The following LTBP1 variants were observed in gnomAD, a reference collection of about 807,000 sequenced individuals.
The protein encoded by LTBP1 is latent transforming growth factor beta binding protein 1, also known as latent-transforming growth factor beta-binding protein 1.
A neutral mutation model predicts 207.6 loss-of-function variants in LTBP1; 129 were observed. That is an observed-to-expected ratio of 0.62 (90% CI 0.54 to 0.72). The LOEUF (loss-of-function observed/expected upper bound fraction) is 0.72. Ranked by LOEUF, LTBP1 falls within the 30% of genes least tolerant of loss-of-function variation. LTBP1 has a pLI of 0.00. For synonymous variants in LTBP1, 963 were observed against 833.7 expected (o/e 1.16, Z -2.67); for missense variants, 2,281 against 2,217.2 (o/e 1.03, Z -0.58).
chr2:33,304,937 A>G (rs920645217), intron 22 of LTBP1, among the ~76,000 whole-genome samples: 1 of 152,206 alleles, frequency 6.6e-6, no homozygotes, highest in African/African-American at 2.4e-5. Context: ...TGTGCCAGAC[A>G]CTGTTCTAGG....
At chr2:33,299,146 G>T (rs1315860984) in intron 20 of LTBP1, among the ~76,000 whole-genome samples, 1 of 151,788 alleles carries the variant, frequency 6.6e-6, no homozygotes, top group African/African-American at 2.4e-5. Flanking sequence ...GGAGGCTGAG[G>T]CAGGAGAATC....
At chr2:32,970,749 T>G (rs1680729612) in intron 2 of LTBP1, among the ~76,000 whole-genome samples, 1 of 152,152 alleles carries the variant, frequency 6.6e-6, no homozygotes, top group African/African-American at 2.4e-5. Context: ...GGCTCTTTTT[T>G]TTTTGTTCCA....
intron 10 of LTBP1, among the ~76,000 whole-genome samples, chr2:33,249,418 G>A (rs2092617337): frequency 6.6e-6 from 1 of 151,394 alleles, no homozygotes; most frequent in Non-Finnish European, 1.5e-5. Context: ...GTATGTCTTT[G>A]AAAGTATAAT....
intron 31 of LTBP1, among the ~76,000 whole-genome samples, chr2:33,381,039 A>G (rs749668857): frequency 3.4e-4 from 52 of 152,318 alleles, no homozygotes; most frequent in Admixed American, 2.6e-4. Flanking sequence ...GAAGTAGATC[A>G]GTTTGGAAAT....
At chr2:33,125,145 A>G (rs1468126435) in intron 4 of LTBP1, among the ~76,000 whole-genome samples, 2 of 152,170 alleles carry the variant, frequency 1.3e-5, no homozygotes, top group Non-Finnish European at 2.9e-5. Context: ...AGTGTCATAT[A>G]TTTTTCATAG....
intron 10 of LTBP1, among the ~76,000 whole-genome samples, chr2:33,245,849 T>C (rs2092491175): frequency 6.6e-6 from 1 of 152,202 alleles, no homozygotes; most frequent in African/African-American, 2.4e-5. Context: ...ACAATTCTTA[T>C]ATTGAAGGTT....
Position 33,263,274 on chromosome 2 carries a change from T to A in LTBP1, c.2519-20T>A. ...ATAACGGGCTTTAATTTTCTTTTTATCCTCTGCTTCCTCATATAGTAGTGA... is the reference window on the plus strand; with the variant it reads ...ATAACGGGCTTTAATTTTCTTTTTAACCTCTGCTTCCTCATATAGTAGTGA... On this transcript the variant is annotated intron_variant, in intron 14 of 33. Coordinates refer to ENST00000404816, the MANE Select transcript of LTBP1 (RefSeq NM_206943.4). 1 of 1,495,490 alleles carries A rather than the reference T, an allele frequency of 6.7e-7. No individual in the cohort carries two copies. Among genetic ancestry groups the A allele is most frequent in the Non-Finnish European group, 9.3e-7 (1 of 1,073,396 alleles). The allele number at this position is 1,495,490 out of a possible 1,614,324, so 92.6% of individuals were successfully genotyped here.
chr2:33,009,968 G>A lies in LTBP1; in HGVS notation c.566-10941G>A, dbSNP rs1255462230. On this transcript the variant is annotated intron_variant, in intron 2 of 33. Coordinates refer to ENST00000404816, the MANE Select transcript of LTBP1 (RefSeq NM_206943.4). ...CGGGCACTGAATTAGATCTTCAGGAGAAGGGTCCAAGGATCAAGGAGGCCC... is the reference window on the plus strand; with the variant it reads ...CGGGCACTGAATTAGATCTTCAGGAAAAGGGTCCAAGGATCAAGGAGGCCC... Among the ~76,000 whole-genome samples the A allele has an allele frequency of 3.9e-5, 6 of 152,214 alleles. No homozygotes were observed. The East Asian group carries it at 1.2e-3, about 29-fold the overall frequency.
chr2:33,029,305 C>T (rs1252732811), intron 3 of LTBP1, among the ~76,000 whole-genome samples: 4 of 151,972 alleles, frequency 2.6e-5, no homozygotes, highest in Non-Finnish European at 4.4e-5. Context: ...GGTGAAACCC[C>T]GTCTCTACTA....
chr2:33,209,679 G>A (rs147653435), intron 7 of LTBP1, among the ~76,000 whole-genome samples: 7 of 152,246 alleles, frequency 4.6e-5, no homozygotes, highest in South Asian at 4.1e-4. Flanking sequence ...TCTAACTTAC[G>A]TGTTTATTTT....
chr2:33,210,290 C>T (rs1472693727), intron 7 of LTBP1, among the ~76,000 whole-genome samples: 1 of 152,122 alleles, frequency 6.6e-6, no homozygotes, highest in African/African-American at 2.4e-5. Flanking sequence ...CAATGGGCCT[C>T]CAATCATCTA....
At chr2:33,174,690 C>T (rs1384200065) in intron 5 of LTBP1, among the ~76,000 whole-genome samples, 1 of 152,180 alleles carries the variant, frequency 6.6e-6, no homozygotes, top group Non-Finnish European at 1.5e-5. Context: ...AAAGAGCCCG[C>T]ATCGCAAAGT....
chr2:33,054,511 A>G (rs961143929), intron 3 of LTBP1, among the ~76,000 whole-genome samples: 1 of 152,190 alleles, frequency 6.6e-6, no homozygotes, highest in African/African-American at 2.4e-5. Flanking sequence ...TCATGTAGAT[A>G]ATAGCTCCAG....
At chr2:33,099,014 C>T (rs1371611662) in intron 3 of LTBP1, among the ~76,000 whole-genome samples, 2 of 152,178 alleles carry the variant, frequency 1.3e-5, no homozygotes, top group Non-Finnish European at 2.9e-5. Context: ...TGCAGCTTCT[C>T]ATATAATTTT....
rs75439642 is a variant in LTBP1, at chr2:33,368,573, C to T, written c.4711+3070C>T. On this transcript the variant is annotated intron_variant, in intron 31 of 33. Transcript: ENST00000404816. ...AAAAATACCAGGCTAAGTGTGTACA[C>T]TTTAAATTTATGATATTATTCTGGC... Among the ~76,000 whole-genome samples, 443 of 152,314 alleles carry T rather than the reference C, an allele frequency of 2.9e-3. 2 individuals are homozygous for T. Among genetic ancestry groups the T allele is most frequent in the South Asian group, 0.012 (56 of 4,826 alleles).
At chr2:33,271,601 A>G (rs755869895) in intron 15 of LTBP1, among the ~76,000 whole-genome samples, 11 of 152,164 alleles carry the variant, frequency 7.2e-5, no homozygotes, top group Non-Finnish European at 1.6e-4. Flanking sequence ...AAGACTTTTC[A>G]GATTATGAAA....
chr2:33,357,647 G>C (rs534723057), intron 26 of LTBP1, among the ~76,000 whole-genome samples: 2 of 152,266 alleles, frequency 1.3e-5, no homozygotes, highest in African/African-American at 2.4e-5. Flanking sequence ...GAACTTTCTT[G>C]TTGTTACCGG....
chr2:33,028,270 A>G (rs1467050812), intron 3 of LTBP1, among the ~76,000 whole-genome samples: 4 of 152,202 alleles, frequency 2.6e-5, no homozygotes, highest in African/African-American at 9.7e-5. Flanking sequence ...ATAAATCAGG[A>G]TAATGTTTTG....
At chr2:33,164,352 GAAAAAAA>G (rs56916166) in intron 5 of LTBP1, among the ~76,000 whole-genome samples, 109 of 28,238 alleles carry the variant, frequency 3.9e-3, no homozygotes, top group African/African-American at 0.012. Context: ...TTCCTCTCAG[GAAAAAAA>G]AAAAAAAAAA....
Sources: gnomAD v4.1 joint callset for allele counts (sites outside exome capture counted in the v4.1 genomes callset) on GRCh38, gnomAD v4.1.1 for gene constraint, MANE v1.5 for transcripts, NCBI Gene and HGNC (gene_info 2026-07-23, HGNC 2026-07-21) for gene names.